Variants in CCDC171 observed in about 807,000 individuals in gnomAD.
CCDC171 encodes the protein coiled-coil domain-containing protein 171.
In CCDC171, 177 loss-of-function variants were observed where a neutral mutation model predicts 168.2. The ratio of observed to expected loss-of-function variants is 1.05; its 90% CI spans 0.93 to 1.19. The LOEUF (loss-of-function observed/expected upper bound fraction) is 1.19. CCDC171 is among the 50% of genes most tolerant of loss of function. CCDC171 has a pLI of 0.00. For synonymous variants in CCDC171, 687 were observed against 540.8 expected (o/e 1.27, Z -3.75); for missense variants, 1,991 against 1,539.0 (o/e 1.29, Z -4.91).
chr9:15,710,324 T>C (rs1189359958), intron 11 of CCDC171, among the ~76,000 whole-genome samples: 1 of 152,132 alleles, frequency 6.6e-6, no homozygotes, highest in Non-Finnish European at 1.5e-5. Context: ...TCTTTCTTTT[T>C]TGAGATGGAG....
At chr9:16,048,502 C>T (rs1427354964) in intron 1 of CCDC171, among the ~76,000 whole-genome samples, 1 of 152,042 alleles carries the variant, frequency 6.6e-6, no homozygotes, top group Non-Finnish European at 1.5e-5. Context: ...AGTGACAACC[C>T]CCCTCAGTTT....
Position 15,679,032 on chromosome 9 carries a change from A to T in CCDC171, c.1215+136A>T, listed in dbSNP as rs552697243. ...TAGTGACATTGATAACAAAATTTCC[A>T]AAACTGGAAATGCTGATTACATCAA... On this transcript the variant is annotated intron_variant, in intron 10 of 25. Transcript: ENST00000380701. 2.1e-4 allele frequency: 128 copies of T among 603,142 alleles called. No individual in the cohort carries two copies. The East Asian group carries it at 4.1e-3, about 19-fold the overall frequency. 37.4% of individuals were successfully genotyped at this position (603,142 alleles called of 1,614,324 possible).
At chr9:15,674,891 C>G (rs1223539891) in intron 9 of CCDC171, among the ~76,000 whole-genome samples, 1 of 152,114 alleles carries the variant, frequency 6.6e-6, no homozygotes, top group Non-Finnish European at 1.5e-5. Flanking sequence ...TGGTGCAGAG[C>G]TGAGTTCAAG....
At chr9:15,954,328 C>T (rs1405379344) in intron 25 of CCDC171, among the ~76,000 whole-genome samples, 1 of 151,858 alleles carries the variant, frequency 6.6e-6, no homozygotes, top group East Asian at 1.9e-4. Flanking sequence ...TAAATTTCCC[C>T]CTTAGCACTG....
chr9:15,834,647 G>A (rs941868748), intron 21 of CCDC171, among the ~76,000 whole-genome samples: 21 of 152,132 alleles, frequency 1.4e-4, no homozygotes, highest in African/African-American at 5.1e-4. Flanking sequence ...TTTTAGTTCA[G>A]AAAATGTATA....
chr9:15,902,358 G>T (rs1034275015), intron 24 of CCDC171, among the ~76,000 whole-genome samples: 1 of 151,652 alleles, frequency 6.6e-6, no homozygotes, highest in Non-Finnish European at 1.5e-5. Flanking sequence ...TGTTACGAAT[G>T]TAGAAAGTAT....
intron 7 of CCDC171, chr9:16,035,586 A>G (rs1833450574): frequency 6.6e-6 from 1 of 152,198 alleles, no homozygotes; most frequent in Non-Finnish European, 1.5e-5. Context: ...TTTCTAAAAG[A>G]GATTACTTTC....
intron 25 of CCDC171, among the ~76,000 whole-genome samples, chr9:15,946,448 G>C (rs59198717): frequency 0.018 from 2,728 of 152,000 alleles, 97 homozygotes; most frequent in African/African-American, 0.063. Context: ...AAATACCTAA[G>C]AATCCACCTT....
chr9:16,015,129 G>C lies in CCDC171; in HGVS notation n.369-5460G>C, dbSNP rs147305202. Among the ~76,000 whole-genome samples, 1,452 of 152,230 alleles carry C rather than the reference G, an allele frequency of 9.5e-3. 11 individuals are homozygous for C. The highest frequency in any genetic ancestry group is 0.016 in the Non-Finnish European group (1,085 of 68,010). ...CTTAAAGTCTAATAAAAAAAAATCT[G>C]TTGTGTAGTATAGCCATGTTCATCA... On this transcript the variant is annotated intron_variant and non_coding_transcript_variant, in intron 3 of 9. Transcript: ENST00000486641.
At chr9:15,642,306 T>C (rs1358801609) in intron 7 of CCDC171, among the ~76,000 whole-genome samples, 2 of 139,392 alleles carry the variant, frequency 1.4e-5, no homozygotes, top group South Asian at 2.4e-4. Flanking sequence ...TATACACATA[T>C]GTATACACGT....
intron 1 of CCDC171, among the ~76,000 whole-genome samples, chr9:16,048,529 G>A (rs1042359407): frequency 6.6e-6 from 1 of 152,292 alleles, no homozygotes; most frequent in African/African-American, 2.4e-5. Flanking sequence ...GGGTCCTCCT[G>A]TGCCCCTTAT....
At chr9:15,876,203 G>A (rs1174660249) in intron 24 of CCDC171, 1 of 152,004 alleles carries the variant, frequency 6.6e-6, no homozygotes, top group African/African-American at 2.4e-5. Context: ...GTCTTTTCCA[G>A]GTTCTAATAA....
intron 23 of CCDC171, among the ~76,000 whole-genome samples, chr9:15,851,440 A>G (rs1027175497): frequency 1.3e-5 from 2 of 151,822 alleles, no homozygotes; most frequent in Admixed American, 6.6e-5. Flanking sequence ...TTGGGGGGGA[A>G]TTTCAAGTTA....
chr9:15,921,954 C>A (rs1021129782), intron 25 of CCDC171, among the ~76,000 whole-genome samples: 1 of 151,454 alleles, frequency 6.6e-6, no homozygotes, highest in Admixed American at 6.6e-5. Flanking sequence ...TTTAAGAAGA[C>A]CAAACTTGGT....
chr9:15,876,862 C>G (rs1164941681), intron 24 of CCDC171, among the ~76,000 whole-genome samples: 1 of 151,972 alleles, frequency 6.6e-6, no homozygotes, highest in Non-Finnish European at 1.5e-5. Context: ...ATTCAGAGTT[C>G]TCAACCTTTG....
At chr9:16,008,395 G>A (rs1832768358) in intron 3 of CCDC171, among the ~76,000 whole-genome samples, 1 of 152,178 alleles carries the variant, frequency 6.6e-6, no homozygotes, top group Non-Finnish European at 1.5e-5. Context: ...TCTCATCTAA[G>A]TCTGACATAC....
At chr9:15,558,449 G>T (rs559547406) in intron 1 of CCDC171, among the ~76,000 whole-genome samples, 1 of 152,026 alleles carries the variant, frequency 6.6e-6, no homozygotes, top group Non-Finnish European at 1.5e-5. Context: ...ACTTCTTCCT[G>T]GTTTAGTCTT....
At chr9:16,104,403 T>C in the CCDC171 span, among the ~76,000 whole-genome samples, 52 of 152,262 alleles carry the variant, frequency 3.4e-4, no homozygotes, top group African/African-American at 1.2e-3. Context: ...CACCCCTCTA[T>C]TTCTCCCTCT....
intron 1 of CCDC171, among the ~76,000 whole-genome samples, chr9:15,557,367 C>G (rs2038896803): frequency 6.6e-6 from 1 of 152,110 alleles, no homozygotes; most frequent in Non-Finnish European, 1.5e-5. Flanking sequence ...TTCTTCCTAT[C>G]CATGAGCATG....
Sources: allele counts gnomAD v4.1 joint callset (sites outside exome capture counted in the v4.1 genomes callset), GRCh38; gene constraint gnomAD v4.1.1; transcripts MANE v1.5; gene names NCBI Gene and HGNC (gene_info 2026-07-23, HGNC 2026-07-21).